HSF5: variants seen among roughly 807,000 people sequenced by gnomAD.
HSF5 encodes the protein heat shock factor protein 5.
In HSF5, 5 loss-of-function variants were observed where a neutral mutation model predicts 50.8. The observed-to-expected ratio is 0.10, with a 90% CI of 0.05 to 0.21. HSF5 has a LOEUF of 0.21. Ranked by LOEUF, HSF5 falls within the 10% of genes least tolerant of loss-of-function variation. The pLI, the probability that HSF5 is intolerant of heterozygous loss-of-function variation, is 1.00. For synonymous variants in HSF5, 307 were observed against 307.4 expected (o/e 1.00, Z 0.02); for missense variants, 564 against 762.6 (o/e 0.74, Z 3.07).
intron 2 of HSF5, chr17:58,477,021 GGC>G: frequency 7.1e-6 from 4 of 566,078 alleles, no homozygotes; most frequent in Admixed American, 6.2e-5. Flanking sequence ...TCCCCCTCAC[GGC>G]ACACGCGCGG....
At chr17:58,437,937 C>T (rs1174637960) in intron 5 of HSF5, among the ~76,000 whole-genome samples, 1 of 152,120 alleles carries the variant, frequency 6.6e-6, no homozygotes, top group Non-Finnish European at 1.5e-5. Context: ...GAGTAGAGTT[C>T]CTGAGTCAAA....
intron 2 of HSF5, among the ~76,000 whole-genome samples, chr17:58,475,473 T>C (rs547676684): frequency 1.3e-5 from 2 of 152,210 alleles, no homozygotes; most frequent in African/African-American, 4.8e-5. Context: ...GATTCTCCCA[T>C]TGAGTGGCAG....
intron 5 of HSF5, among the ~76,000 whole-genome samples, chr17:58,438,494 C>A (rs1168192989): frequency 6.6e-6 from 1 of 152,096 alleles, no homozygotes; most frequent in Non-Finnish European, 1.5e-5. Flanking sequence ...TAGGACACAG[C>A]AAGCTAGAAT....
chr17:58,482,052 C>T (rs1178675598), intron 1 of HSF5, among the ~76,000 whole-genome samples: 1 of 152,134 alleles, frequency 6.6e-6, no homozygotes, highest in Non-Finnish European at 1.5e-5. Context: ...TTACAGTGAA[C>T]TATGATCGTG....
At chr17:58,433,388 C>T (rs1042657893) in intron 5 of HSF5, among the ~76,000 whole-genome samples, 2 of 152,056 alleles carry the variant, frequency 1.3e-5, no homozygotes, top group Admixed American at 6.6e-5. Context: ...AAAGACGTAG[C>T]GTAGGCAGTA....
At chr17:58,455,219 A>G (rs1001177137) in intron 5 of HSF5, among the ~76,000 whole-genome samples, 3 of 152,220 alleles carry the variant, frequency 2.0e-5, no homozygotes, top group African/African-American at 7.2e-5. Context: ...AAGTACACAC[A>G]TTGGAGAAAG....
At chr17:58,469,575 A>G (rs1001952227) in intron 2 of HSF5, among the ~76,000 whole-genome samples, 1 of 152,242 alleles carries the variant, frequency 6.6e-6, no homozygotes, top group Admixed American at 6.5e-5. Flanking sequence ...TCAACAAAAT[A>G]GAACAAAGTA....
intron 5 of HSF5, among the ~76,000 whole-genome samples, chr17:58,445,485 T>C (rs570392561): frequency 3.9e-5 from 6 of 152,210 alleles, no homozygotes; most frequent in Admixed American, 6.5e-5. Flanking sequence ...AGTCAAGGGA[T>C]GGAAGCAACC....
At chr17:58,432,897 A>T (rs1239845519) in intron 5 of HSF5, among the ~76,000 whole-genome samples, 1 of 152,190 alleles carries the variant, frequency 6.6e-6, no homozygotes, top group East Asian at 1.9e-4. Context: ...CTGGATCTGC[A>T]TCTACAGTGA....
chr17:58,476,825 A>G lies in HSF5; in HGVS notation c.925+3068T>C, dbSNP rs1598201068. The G allele has an allele frequency of 4.6e-5, 72 of 1,550,376 alleles. No homozygotes were observed. The South Asian group carries it at 7.9e-4, about 17-fold the overall frequency. On this transcript the variant is annotated intron_variant, in intron 2 of 5. Transcript: ENST00000323777. Reference sequence around the variant, plus strand: ...ACTGGCTTGTTCATTAAGTCTGTCTATTTCATTTTGGATTTCATCAATGTG... The same window carrying G: ...ACTGGCTTGTTCATTAAGTCTGTCTGTTTCATTTTGGATTTCATCAATGTG...
At chr17:58,437,804 T>G (rs891006823) in intron 5 of HSF5, among the ~76,000 whole-genome samples, 3 of 152,206 alleles carry the variant, frequency 2.0e-5, no homozygotes, top group African/African-American at 7.2e-5. Flanking sequence ...TCATAATGTA[T>G]CTGGTTCCCC....
intron 5 of HSF5, among the ~76,000 whole-genome samples, chr17:58,424,968 G>A (rs1384358373): frequency 1.3e-5 from 2 of 152,242 alleles, no homozygotes; most frequent in African/African-American, 4.8e-5. Flanking sequence ...TAGGTGCCAA[G>A]GGCTGTTGTT....
At chr17:58,477,807 TC>T (rs1253575342) in intron 2 of HSF5, among the ~76,000 whole-genome samples, 2 of 151,972 alleles carry the variant, frequency 1.3e-5, no homozygotes, top group East Asian at 3.8e-4. Flanking sequence ...TAAGTAAATA[TC>T]TTTTTTTTTT....
At chr17:58,449,847 C>T (rs1265645212) in intron 5 of HSF5, among the ~76,000 whole-genome samples, 1 of 149,716 alleles carries the variant, frequency 6.7e-6, no homozygotes, top group African/African-American at 2.5e-5. Flanking sequence ...AACGGTGAAA[C>T]CCCGTCTCTA....
At chr17:58,439,269 G>A (rs1343479639) in intron 5 of HSF5, among the ~76,000 whole-genome samples, 6 of 147,472 alleles carry the variant, frequency 4.1e-5, no homozygotes, top group African/African-American at 1.5e-4. Flanking sequence ...GAAAGCCAAT[G>A]GAAAAAAAAA....
chr17:58,468,480 A>C (rs1974901934), intron 2 of HSF5, among the ~76,000 whole-genome samples: 1 of 152,214 alleles, frequency 6.6e-6, no homozygotes, highest in African/African-American at 2.4e-5. Flanking sequence ...TTGTAGTTTT[A>C]CTAGAATTCT....
intron 1 of HSF5, 62 bp from the exon 2 acceptor site, chr17:58,480,329 CA>C: frequency 6.7e-7 from 1 of 1,488,660 alleles, no homozygotes. Context: ...CATAGTAAAC[CA>C]AAGGTCATAA....
At chr17:58,450,067 A>G (rs1274192408) in intron 5 of HSF5, among the ~76,000 whole-genome samples, 3 of 146,316 alleles carry the variant, frequency 2.1e-5, no homozygotes, top group Non-Finnish European at 4.5e-5. Context: ...TGGACACGGT[A>G]GCTCACACCT....
At position 58,488,408 on chromosome 17, in the gene HSF5, C is replaced by A; in HGVS notation, c.-134G>T. On this transcript the variant is annotated 5_prime_UTR_variant, in exon 1 of 6. Transcript: ENST00000323777. This position sits in a 1 kb window ranked among gnomAD's most constrained non-coding sequence, Gnocchi z 4.1. ...CCGCGTACCAGGGACCGTTGGCGCA[C>A]GAGGCCCCGCGGCGCCTCCCAGCGC... 2 of 1,273,634 alleles carry A rather than the reference C, an allele frequency of 1.6e-6. No homozygotes were observed. The highest frequency in any genetic ancestry group is 2.0e-6 in the Non-Finnish European group (2 of 1,014,362). 78.9% of individuals were successfully genotyped at this position (1,273,634 alleles called of 1,614,324 possible).
Sources: gnomAD v4.1 joint callset for allele counts (sites outside exome capture counted in the v4.1 genomes callset) on GRCh38, gnomAD v4.1.1 for gene constraint, Gnocchi (gnomAD v3.1) non-coding constraint, MANE v1.5 for transcripts, NCBI Gene and HGNC (gene_info 2026-07-23, HGNC 2026-07-21) for gene names.